ASB2: variants seen among roughly 807,000 people sequenced by gnomAD.
The protein encoded by ASB2 is ankyrin repeat and SOCS box protein 2.
Under a neutral mutation model 62.4 loss-of-function variants are expected in ASB2, and 58 were observed. That is an observed-to-expected ratio of 0.93 (90% CI 0.75 to 1.16). ASB2 has a LOEUF of 1.16. ASB2 is among the 50% of genes most tolerant of loss of function. ASB2 has a pLI of 0.00. For synonymous variants in ASB2, 386 were observed against 385.3 expected, an observed-to-expected ratio of 1.00 and a Z score of -0.02; for missense variants, 928 against 887.9, an observed-to-expected ratio of 1.05 and a Z score of -0.57.
chr14:93,934,579 T>G lies in ASB2; in HGVS notation c.*77A>C, dbSNP rs1888201491. Reference sequence around the variant, plus strand: ...AGCCTCGTCTGTCACCAGGTCCCCTTGGAGTTGGGAACACCGACGTCCTGA... The same window carrying G: ...AGCCTCGTCTGTCACCAGGTCCCCTGGGAGTTGGGAACACCGACGTCCTGA... On this transcript the variant is annotated 3_prime_UTR_variant, in exon 10 of 10. Coordinates refer to ENST00000555019, the MANE Select transcript of ASB2 (RefSeq NM_001202429.2). 3.4e-6 allele frequency: 5 copies of G among 1,489,820 alleles called. No homozygotes were observed. The East Asian group carries it at 1.1e-4, about 34-fold the overall frequency. 92.3% of individuals were successfully genotyped at this position (1,489,820 alleles called of 1,614,324 possible). A position where few individuals can be genotyped will look rare whatever the true frequency, so the allele number is the denominator to read the frequency against.
chr14:93,943,888 G>A (rs1227931550), intron 7 of ASB2: 3 of 454,702 alleles, frequency 6.6e-6, no homozygotes, highest in African/African-American at 6.0e-5. Flanking sequence ...CCTTATTCTA[G>A]GAAGAATTTC....
At chr14:93,956,381 C>T (rs1889202887) in intron 3 of ASB2, among the ~76,000 whole-genome samples, 1 of 152,186 alleles carries the variant, frequency 6.6e-6, no homozygotes, top group Non-Finnish European at 1.5e-5. Context: ...AGGGTGCAGC[C>T]AACTCATCAA....
chr14:93,960,966 A>C (rs998100161), intron 2 of ASB2, among the ~76,000 whole-genome samples: 2 of 151,326 alleles, frequency 1.3e-5, no homozygotes, highest in Non-Finnish European at 2.9e-5. Context: ...TAAATAAATA[A>C]ATAAATAAAT....
rs1176235264 is a variant in ASB2, at chr14:93,941,134, C to T, written c.1053-1462G>A. 6 of 154,282 alleles carry T rather than the reference C, an allele frequency of 3.9e-5. No homozygotes were observed. In the Admixed American group the frequency reaches 3.9e-4, roughly 10 times the overall value. 9.6% of individuals were successfully genotyped at this position (154,282 alleles called of 1,614,324 possible). A position where few individuals can be genotyped will look rare whatever the true frequency, so the allele number is the denominator to read the frequency against. ...AGAGCCGAAGTGACTAATCAGGGGT[C>T]ATAAGACAATTCTGGGGGCTCAACC... On this transcript the variant is annotated intron_variant, in intron 7 of 9. Coordinates refer to ENST00000555019, the MANE Select transcript of ASB2 (RefSeq NM_001202429.2).
chr14:93,970,649 A>G (rs1889732222), intron 1 of ASB2, among the ~76,000 whole-genome samples: 1 of 152,150 alleles, frequency 6.6e-6, no homozygotes, highest in Non-Finnish European at 1.5e-5. Flanking sequence ...TGAATGAACG[A>G]TAGGATCATG....
chr14:93,963,350 C>T (rs1889474234), intron 2 of ASB2, among the ~76,000 whole-genome samples: 2 of 151,808 alleles, frequency 1.3e-5, no homozygotes, highest in Admixed American at 6.6e-5. Flanking sequence ...ACAGCAATTC[C>T]CATGCCCTGC....
At chr14:93,938,232 A>ATTTTTT (rs1888345181) in intron 8 of ASB2, among the ~76,000 whole-genome samples, 12 of 90,540 alleles carry the variant, frequency 1.3e-4, no homozygotes, top group East Asian at 7.0e-4. Flanking sequence ...TTAAGTTCTG[A>ATTTTTT]CTTTTTTTTT....
chr14:93,936,775 A>G (rs1395923571), intron 9 of ASB2, among the ~76,000 whole-genome samples: 1 of 152,188 alleles, frequency 6.6e-6, no homozygotes, highest in Non-Finnish European at 1.5e-5. Context: ...TGGAATGACA[A>G]TGACCTGCTG....
rs766575902 is a variant in ASB2 at position 93,964,508 on chromosome 14, T to C, written c.32A>G (p.Gln11Arg). ...GTACTCCTCCTGCCCAATGGTACACTGGCTGCCCCGAGTGCTGATCTGCGT... is the reference window on the plus strand; with the variant it reads ...GTACTCCTCCTGCCCAATGGTACACCGGCTGCCCCGAGTGCTGATCTGCGT... Reference protein sequence around the residue: MATQISTRGSQCTIGQEEYSL... With the variant: MATQISTRGSRCTIGQEEYSL... Residue 11 changes from glutamine to arginine, a missense_variant, in exon 2 of 10, where the codon CAG becomes CGG. Coordinates refer to ENST00000555019, the MANE Select transcript of ASB2 (RefSeq NM_001202429.2). 1 of 1,536,108 alleles carries C rather than the reference T, an allele frequency of 6.5e-7. No homozygotes were observed. Among genetic ancestry groups the C allele is most frequent in the South Asian group, 1.2e-5 (1 of 84,058 alleles).
intron 1 of ASB2, among the ~76,000 whole-genome samples, chr14:93,974,443 C>T (rs1049192604): frequency 2.6e-5 from 4 of 152,214 alleles, no homozygotes; most frequent in Non-Finnish European, 2.9e-5. Flanking sequence ...TCCTCTGCAG[C>T]GCAGAAATGG....
In ASB2 at chr14:93,964,458, C is replaced by T. The variant is rs1889518648; in HGVS notation, c.82G>A (p.Asp28Asn). ...EYSLYSSLSE[D>N]ELVQMAIEQS... ...TCGATGGCCATCTGCACCAGTTCAT[C>T]CTCGCTCAGGCTGCTGTACAGGCTG... The change falls in exon 2 of 10, where the codon GAT becomes AAT. Residue 28 changes from aspartate (D) to asparagine (N), a missense_variant. By Grantham distance (23) the Asp-to-Asn change is conservative. Transcript: ENST00000555019. 2.0e-6 allele frequency: 3 copies of T among 1,535,994 alleles called. No homozygotes were observed. The highest frequency in any genetic ancestry group is 2.4e-5 in the South Asian group (2 of 84,066).
chr14:93,965,867 C>A (rs1889574265), intron 1 of ASB2, among the ~76,000 whole-genome samples: 1 of 152,256 alleles, frequency 6.6e-6, no homozygotes, highest in Non-Finnish European at 1.5e-5. Context: ...TCTTGCTCCT[C>A]TGCCATCACC....
intron 5 of ASB2, among the ~76,000 whole-genome samples, chr14:93,952,264 G>A (rs1888997662): frequency 6.6e-6 from 1 of 152,246 alleles, no homozygotes; most frequent in African/African-American, 2.4e-5. Context: ...CATAGTAGGT[G>A]TGCTTGCAAG....
At chr14:93,942,772 C>T (rs1202657898) in intron 7 of ASB2, among the ~76,000 whole-genome samples, 1 of 152,212 alleles carries the variant, frequency 6.6e-6, no homozygotes, top group Non-Finnish European at 1.5e-5. Context: ...TACCCTTCAG[C>T]ACTGGGCCAG....
chr14:93,957,703 G>A (rs961053776), intron 2 of ASB2, among the ~76,000 whole-genome samples: 7 of 152,168 alleles, frequency 4.6e-5, no homozygotes, highest in Non-Finnish European at 8.8e-5. Context: ...TCATCATTTT[G>A]CCTCTCTAGG....
intron 6 of ASB2, among the ~76,000 whole-genome samples, chr14:93,950,221 GA>G (rs1360760569): frequency 6.6e-6 from 1 of 152,198 alleles, no homozygotes; most frequent in African/African-American, 2.4e-5. Flanking sequence ...TCAGCGTCTG[GA>G]TTACCTCTGG....
chr14:93,964,323 G>T lies in ASB2; in HGVS notation c.206+11C>A, dbSNP rs969483542. 1.3e-6 allele frequency: 2 copies of T among 1,535,898 alleles called. No individual in the cohort carries two copies. The highest frequency in any genetic ancestry group is 8.7e-7 in the Non-Finnish European group (1 of 1,146,722). ...TGGCCCCACTTCCCTCATCAGCCTC[G>T]CCTTGCTCACCTGGTCCATGGGTAG... On this transcript the variant is annotated intron_variant, in intron 2 of 9. Coordinates refer to ENST00000555019, the MANE Select transcript of ASB2 (RefSeq NM_001202429.2).
intron 6 of ASB2, among the ~76,000 whole-genome samples, chr14:93,948,758 C>T (rs1159580527): frequency 6.6e-6 from 1 of 152,214 alleles, no homozygotes; most frequent in Non-Finnish European, 1.5e-5. Flanking sequence ...CCTAATGAGA[C>T]TCTGTTCTCT....
intron 2 of ASB2, among the ~76,000 whole-genome samples, chr14:93,961,786 G>A (rs190627396): frequency 8.0e-4 from 122 of 152,378 alleles, no homozygotes; most frequent in African/African-American, 2.4e-3. Context: ...CGTGTGTGCC[G>A]TGTGAATTTG....
Sources: allele counts gnomAD v4.1 joint callset (sites outside exome capture counted in the v4.1 genomes callset), GRCh38; gene constraint gnomAD v4.1.1; transcripts MANE v1.5; gene names NCBI Gene and HGNC (gene_info 2026-07-23, HGNC 2026-07-21).